MAML2: variants seen among roughly 807,000 people sequenced by gnomAD.
MAML2 encodes mastermind like transcriptional coactivator 2, also known as mastermind-like protein 2.
MAML2 carries 22 observed loss-of-function variants against 96.1 expected under a neutral mutation model. The ratio of observed to expected loss-of-function variants is 0.23; its 90% confidence interval spans 0.16 to 0.33. The LOEUF (loss-of-function observed/expected upper bound fraction) is 0.33, where lower values mean the gene tolerates loss of function less well. Ranked by LOEUF, MAML2 falls within the 10% of genes least tolerant of loss-of-function variation. The probability of loss-of-function intolerance (pLI) is 1.00; values close to 1 mark genes in which losing one functional copy is unlikely to be tolerated. For synonymous variants in MAML2, 561 were observed against 521.3 expected (o/e 1.08, Z -1.04); for missense variants, 1,367 against 1,392.4 (o/e 0.98, Z 0.29).
intron 2 of MAML2, among the ~76,000 whole-genome samples, chr11:96,062,867 T>C (rs541147995): frequency 6.6e-6 from 1 of 152,294 alleles, no homozygotes; most frequent in Admixed American, 6.5e-5. Flanking sequence ...CATGAGATTA[T>C]ATTGTTTCGA....
At chr11:96,207,317 C>T (rs529763178) in intron 1 of MAML2, among the ~76,000 whole-genome samples, 3 of 152,208 alleles carry the variant, frequency 2.0e-5, no homozygotes, top group African/African-American at 7.2e-5. Context: ...TGTCTAAACA[C>T]TCAGTAAAAG....
chr11:96,173,902 T>C (rs1861342952), intron 1 of MAML2, among the ~76,000 whole-genome samples: 1 of 152,242 alleles, frequency 6.6e-6, no homozygotes, highest in African/African-American at 2.4e-5. Flanking sequence ...TTCAGAAGTA[T>C]GGCCATTTTG....
At chr11:96,123,983 T>G (rs1161247619) in intron 1 of MAML2, among the ~76,000 whole-genome samples, 2 of 148,246 alleles carry the variant, frequency 1.3e-5, no homozygotes, top group East Asian at 3.9e-4. Flanking sequence ...AGTAGGAGAG[T>G]CGCTTGACCC....
At chr11:96,027,305 C>G (rs1299511164) in intron 2 of MAML2, among the ~76,000 whole-genome samples, 3 of 152,192 alleles carry the variant, frequency 2.0e-5, no homozygotes. Flanking sequence ...ACATACAATG[C>G]TGAGAAGTAT....
chr11:96,010,773 G>A (rs1013951876), intron 2 of MAML2, among the ~76,000 whole-genome samples: 2 of 152,120 alleles, frequency 1.3e-5, no homozygotes, highest in Non-Finnish European at 2.9e-5. Context: ...ATTTTTGCCT[G>A]GGGATAGTAA....
chr11:96,341,629 A>G lies in MAML2; in HGVS notation c.267T>C (p.Ala89=), dbSNP rs1414399791. 2.6e-6 allele frequency: 4 copies of G among 1,553,818 alleles called. No homozygotes were observed. In the Admixed American group the frequency reaches 7.8e-5, roughly 30 times the overall value. Residue 89 remains alanine, a synonymous_variant, in exon 1 of 5, where the codon GCT becomes GCC. Coordinates refer to ENST00000524717, the MANE Select transcript of MAML2 (RefSeq NM_032427.4). ...LVQHGQGARK[A]GKHTKATATA... ...TGGCGGTGGCCTTGGTGTGTTTGCCAGCTTTCCTTGCCCCCTGGCCATGCT... is the reference window on the plus strand; with the variant it reads ...TGGCGGTGGCCTTGGTGTGTTTGCCGGCTTTCCTTGCCCCCTGGCCATGCT...
intron 1 of MAML2, among the ~76,000 whole-genome samples, chr11:96,095,881 C>T (rs192839608): frequency 6.6e-6 from 1 of 152,160 alleles, no homozygotes; most frequent in African/African-American, 2.4e-5. Context: ...TCCCCTCTCC[C>T]CACATCTCTG....
intron 2 of MAML2, among the ~76,000 whole-genome samples, chr11:95,996,096 C>A (rs1857987832): frequency 6.6e-6 from 1 of 151,862 alleles, no homozygotes; most frequent in Non-Finnish European, 1.5e-5. Context: ...ATCAATCAAT[C>A]TCAGATCACC....
intron 2 of MAML2, among the ~76,000 whole-genome samples, chr11:96,055,492 T>C (rs1859050911): frequency 6.6e-6 from 1 of 152,186 alleles, no homozygotes; most frequent in African/African-American, 2.4e-5. Flanking sequence ...GCTTTATGCA[T>C]AGTTACCATA....
At chr11:96,328,688 G>T (rs1314987705) in intron 1 of MAML2, among the ~76,000 whole-genome samples, 5 of 152,146 alleles carry the variant, frequency 3.3e-5, no homozygotes, top group Non-Finnish European at 5.9e-5. Flanking sequence ...ATTTTTCTTT[G>T]TTGGTTTGCT....
At chr11:96,049,783 T>C (rs994243846) in intron 2 of MAML2, among the ~76,000 whole-genome samples, 4 of 152,216 alleles carry the variant, frequency 2.6e-5, no homozygotes, top group Non-Finnish European at 5.9e-5. Flanking sequence ...TACTTAATCC[T>C]TTTACTAATT....
intron 1 of MAML2, among the ~76,000 whole-genome samples, chr11:96,265,940 A>G (rs763055602): frequency 3.9e-5 from 6 of 152,196 alleles, no homozygotes; most frequent in Admixed American, 1.3e-4. Flanking sequence ...CAAGCACCCC[A>G]GGATACAGAA....
Position 96,156,461 on chromosome 11 carries a change from C to T in MAML2, c.514-62944G>A, listed in dbSNP as rs552340054. On this transcript the variant is annotated intron_variant, in intron 1 of 4. Coordinates refer to ENST00000524717, the MANE Select transcript of MAML2 (RefSeq NM_032427.4). ...CTAACTCTCATTGTTGGGATGGCTG[C>T]CCCTGGATAGCACCCGTTTACTGCC... is the stretch of plus-strand genomic sequence containing the variant. Among the ~76,000 whole-genome samples, 57 of 152,244 alleles carry T rather than the reference C, an allele frequency of 3.7e-4. 1 individual carries two copies. The highest frequency in any genetic ancestry group is 3.4e-3 in the Middle Eastern group (1 of 294).
At chr11:95,980,137 C>G (rs546199303) in intron 4 of MAML2, among the ~76,000 whole-genome samples, 174 bp from the exon 5 acceptor site, 4 of 152,184 alleles carry the variant, frequency 2.6e-5, no homozygotes, top group Admixed American at 2.6e-4. Flanking sequence ...GAGGAAGGAG[C>G]ACCTGAGGTC....
In MAML2 at chr11:95,991,601, C is replaced by A. The variant is rs769195855; in HGVS notation, c.2262G>T (p.Met754Ile). ...SQQSLLNQQLMGKKQTLQRQI... is the reference protein window; with the variant it reads ...SQQSLLNQQLIGKKQTLQRQI... ...GCCTCTGTAGAGTCTGCTTCTTTCC[C>A]ATCAATTGCTGATTCAACAGTGATT... is the stretch of plus-strand genomic sequence containing the variant. Residue 754 changes from methionine to isoleucine, a missense_variant, in exon 3 of 5, where the codon ATG becomes ATT. Transcript: ENST00000524717. The A allele has an allele frequency of 1.2e-6, 2 of 1,613,640 alleles. No individual in the cohort carries two copies. The highest frequency in any genetic ancestry group is 8.5e-7 in the Non-Finnish European group (1 of 1,179,758).
intron 1 of MAML2, among the ~76,000 whole-genome samples, chr11:96,178,781 G>C (rs529630424): frequency 6.6e-6 from 1 of 152,136 alleles, no homozygotes; most frequent in Non-Finnish European, 1.5e-5. Flanking sequence ...TCTGGTAGCC[G>C]GTTTTGCTGT....
Position 96,159,404 on chromosome 11 carries a change from A to ATTTTTT in MAML2, c.514-65888_514-65887insAAAAAA, listed in dbSNP as rs1157893034. 2.0e-3 allele frequency among the ~76,000 whole-genome samples: 125 copies of ATTTTTT among 61,988 alleles called. 14 individuals are homozygous for ATTTTTT. The highest frequency in any genetic ancestry group is 3.6e-3 in the African/African-American group (66 of 18,110). The allele number at this position is 61,988 out of a possible 152,430, so 40.7% of individuals were successfully genotyped here. A position where few individuals can be genotyped will look rare whatever the true frequency, so the allele number is the denominator to read the frequency against. On this transcript the variant is annotated intron_variant, in intron 1 of 4. Transcript: ENST00000524717. ...TACTAACCGTGCCTCTAAACCACTGATTCTTTTTTTTTTTTTTTTTTTTTT... is the reference window on the plus strand; with the variant it reads ...TACTAACCGTGCCTCTAAACCACTGATTTTTTTTCTTTTTTTTTTTTTTTTTTTTTT...
At chr11:96,258,247 T>G in intron 1 of MAML2, among the ~76,000 whole-genome samples, 1 of 152,204 alleles carries the variant, frequency 6.6e-6, no homozygotes, top group East Asian at 1.9e-4. Flanking sequence ...ATCCCATGTT[T>G]TCATTTACAT....
At chr11:96,136,238 C>CT (rs900270160) in intron 1 of MAML2, among the ~76,000 whole-genome samples, 1 of 149,702 alleles carries the variant, frequency 6.7e-6, no homozygotes, top group Non-Finnish European at 1.5e-5. Flanking sequence ...TCTCCTCTTC[C>CT]TTTTTTTTCT....
Sources: allele counts gnomAD v4.1 joint callset (sites outside exome capture counted in the v4.1 genomes callset), GRCh38; gene constraint gnomAD v4.1.1; transcripts MANE v1.5; gene names NCBI Gene and HGNC (gene_info 2026-07-23, HGNC 2026-07-21).